SAP130: variants seen among roughly 807,000 people sequenced by gnomAD.
SAP130 encodes Sin3A associated protein 130, also known as histone deacetylase complex subunit SAP130.
Under a neutral mutation model 103.2 loss-of-function variants are expected in SAP130, and 16 were observed. The observed-to-expected ratio is 0.16, with a 90% CI of 0.10 to 0.24. The LOEUF is 0.24. Ranked by LOEUF, SAP130 falls within the 10% of genes least tolerant of loss-of-function variation. SAP130 has a pLI of 1.00. For synonymous variants in SAP130, 477 were observed against 497.0 expected (o/e 0.96, Z 0.53); for missense variants, 990 against 1,359.7 (o/e 0.73, Z 4.28).
intron 14 of SAP130, among the ~76,000 whole-genome samples, chr2:127,983,352 T>C (rs1193063032): frequency 1.3e-5 from 2 of 152,226 alleles, no homozygotes; most frequent in African/African-American, 4.8e-5. Flanking sequence ...CTGGAATAAC[T>C]TGGCTATGTG....
At chr2:127,947,755 T>TGCGTGTGTCTGTGTGTGTGA (rs1679186884) in intron 18 of SAP130, among the ~76,000 whole-genome samples, 1 of 122,168 alleles carries the variant, frequency 8.2e-6, no homozygotes, top group South Asian at 2.7e-4. Context: ...AATTTTGTAT[T>TGCGTGTGTCTGTGTGTGTGA]GTGTGTGTCT....
intron 5 of SAP130, among the ~76,000 whole-genome samples, chr2:128,013,539 C>A (rs965536621): frequency 6.6e-6 from 1 of 152,120 alleles, no homozygotes; most frequent in Non-Finnish European, 1.5e-5. Context: ...ACATTATGAA[C>A]CTTAACCTTA....
intron 18 of SAP130, among the ~76,000 whole-genome samples, chr2:127,946,867 G>C (rs941659554): frequency 1.3e-5 from 2 of 150,446 alleles, no homozygotes; most frequent in Admixed American, 6.7e-5. Flanking sequence ...CTGGGGGACA[G>C]AGCGAGACTC....
At chr2:128,000,749 T>G (rs1683499149) in intron 7 of SAP130, among the ~76,000 whole-genome samples, 1 of 152,064 alleles carries the variant, frequency 6.6e-6, no homozygotes, top group Non-Finnish European at 1.5e-5. Flanking sequence ...TAATTGCACT[T>G]CAGGTCAGGT....
intron 5 of SAP130, among the ~76,000 whole-genome samples, chr2:128,014,079 C>T (rs1206290436): frequency 6.6e-6 from 1 of 152,188 alleles, no homozygotes; most frequent in Admixed American, 6.6e-5. Flanking sequence ...AAAGCTTGGG[C>T]AGTTCCTCAA....
chr2:128,016,283 G>C, intron 4 of SAP130, 106 bp downstream of exon 4: 1 of 1,195,686 alleles, frequency 8.4e-7, no homozygotes, highest in Admixed American at 2.1e-5. Context: ...GTGACTGTTT[G>C]ATCTTTTTTT....
chr2:127,984,719 C>A (rs543446301), intron 14 of SAP130, among the ~76,000 whole-genome samples: 9 of 152,222 alleles, frequency 5.9e-5, no homozygotes, highest in Middle Eastern at 3.4e-3. Flanking sequence ...CAGCACTCCA[C>A]ACACACACGG....
chr2:128,014,903 A>G lies in SAP130; in HGVS notation c.519T>C (p.Ser173=). ...TTGTAGTCATGATGTGATGCAGGTT[A>G]CTGGGATGGCCCTGAAAGAAAGAGG... is the stretch of plus-strand genomic sequence containing the variant. ...ATISGQQGHP[S]NLHHIMTTNV... is the part of the protein sequence containing the mutation. The change falls in exon 5 of 21, where the codon AGT becomes AGC. Residue 173 remains serine (S), a synonymous_variant. Coordinates refer to ENST00000643581, the MANE Select transcript of SAP130 (RefSeq NM_001330301.2). 2 of 1,613,830 alleles carry G rather than the reference A, an allele frequency of 1.2e-6. No homozygotes were observed. The highest frequency in any genetic ancestry group is 1.1e-5 in the South Asian group (1 of 91,070).
At chr2:127,994,304 G>A (rs1683027267) in intron 11 of SAP130, among the ~76,000 whole-genome samples, 1 of 152,210 alleles carries the variant, frequency 6.6e-6, no homozygotes, top group African/African-American at 2.4e-5. Context: ...ACTGAGGCAG[G>A]TGAATCATTT....
At chr2:127,956,079 G>C (rs1448213075) in intron 15 of SAP130, among the ~76,000 whole-genome samples, 2 of 151,814 alleles carry the variant, frequency 1.3e-5, no homozygotes, top group African/African-American at 4.8e-5. Context: ...TAATTGAGAG[G>C]GACTGAGGTT....
intron 7 of SAP130, among the ~76,000 whole-genome samples, chr2:128,003,307 G>C (rs1320013245): frequency 1.3e-5 from 2 of 151,878 alleles, no homozygotes; most frequent in Middle Eastern, 3.4e-3. Context: ...AGGAATTTGA[G>C]ACCAGCCTGA....
intron 7 of SAP130, among the ~76,000 whole-genome samples, chr2:128,001,208 G>GC (rs1426413159): frequency 6.6e-6 from 1 of 152,192 alleles, no homozygotes; most frequent in Non-Finnish European, 1.5e-5. Flanking sequence ...GGCAACACTG[G>GC]CAAGAAAATT....
chr2:128,000,101 C>T lies in SAP130; in HGVS notation c.1063G>A (p.Ala355Thr). The change falls in exon 9 of 21, where the codon GCA (alanine) becomes ACA (threonine). Residue 355 changes from alanine to threonine, a missense_variant. Physicochemically the swap from Ala to Thr is moderately conservative, Grantham distance 58. Transcript: ENST00000643581. The part of the protein sequence containing the change: ...TGTPVAAATV[A>T]PILATNTIPS... ...ATGGTGTTGGTTGCCAAAATAGGTGCTACTGTGGCTGCAGCCACTGGCGTG... is the reference window on the plus strand; with the variant it reads ...ATGGTGTTGGTTGCCAAAATAGGTGTTACTGTGGCTGCAGCCACTGGCGTG... The T allele has an allele frequency of 6.2e-7, 1 of 1,614,180 alleles. No individual in the cohort carries two copies. Among genetic ancestry groups the T allele is most frequent in the South Asian group, 1.1e-5 (1 of 91,086 alleles).
At chr2:127,994,148 T>G (rs1230341295) in intron 11 of SAP130, among the ~76,000 whole-genome samples, 1 of 152,176 alleles carries the variant, frequency 6.6e-6, no homozygotes, top group Non-Finnish European at 1.5e-5. Context: ...AGATAAATTT[T>G]AAAAATTAAA....
Position 127,996,237 on chromosome 2 carries a change from G to A in SAP130, c.1355+113C>T. The A allele has an allele frequency of 9.5e-7, 1 of 1,049,210 alleles. No homozygotes were observed. The highest frequency in any genetic ancestry group is 3.6e-5 in the South Asian group (1 of 27,470). 65.0% of individuals were successfully genotyped at this position (1,049,210 alleles called of 1,614,324 possible). On this transcript the variant is annotated intron_variant, in intron 11 of 20. Coordinates refer to ENST00000643581, the MANE Select transcript of SAP130 (RefSeq NM_001330301.2). The surrounding 1 kb of genome is among the most constrained non-coding windows in gnomAD (Gnocchi z 4.3). ...AAGTGTTACTTTCAGGGGAAAATCT[G>A]AAAACATGAGTAATAAATATAGGCC...
intron 15 of SAP130, among the ~76,000 whole-genome samples, chr2:127,960,875 G>A (rs1680193163): frequency 6.6e-6 from 1 of 152,092 alleles, no homozygotes; most frequent in African/African-American, 2.4e-5. Flanking sequence ...TTTTAGAGAT[G>A]CTATGGTTTT....
At chr2:127,982,542 G>A (rs1201624268) in intron 14 of SAP130, among the ~76,000 whole-genome samples, 2 of 152,234 alleles carry the variant, frequency 1.3e-5, no homozygotes, top group Non-Finnish European at 2.9e-5. Flanking sequence ...GACGGAAGAA[G>A]CCTGGGAGTT....
At chr2:128,022,674 C>T (rs1685236842) in intron 2 of SAP130, among the ~76,000 whole-genome samples, 1 of 152,174 alleles carries the variant, frequency 6.6e-6, no homozygotes, top group Admixed American at 6.5e-5. Context: ...AGTAGTTTCT[C>T]ACAGTGGTTT....
chr2:128,004,393 C>T (rs1481228822), intron 7 of SAP130, among the ~76,000 whole-genome samples: 3 of 101,820 alleles, frequency 2.9e-5, no homozygotes, highest in Non-Finnish European at 5.5e-5. Flanking sequence ...TTTTTTAAAG[C>T]GATAGATTCT....
Sources: allele counts gnomAD v4.1 joint callset (sites outside exome capture counted in the v4.1 genomes callset), GRCh38; gene constraint gnomAD v4.1.1; non-coding constraint Gnocchi (gnomAD v3.1); transcripts MANE v1.5; gene names NCBI Gene and HGNC (gene_info 2026-07-23, HGNC 2026-07-21).